The following GRIK2 variants were observed in gnomAD, a reference collection of about 807,000 sequenced individuals.
GRIK2 encodes glutamate ionotropic receptor kainate type subunit 2.
GRIK2 carries 32 observed loss-of-function variants against 100.3 expected under a neutral mutation model. The observed-to-expected ratio is 0.32, with a 90% CI of 0.24 to 0.43. The LOEUF is 0.43. Ranked by LOEUF, GRIK2 falls within the 20% of genes least tolerant of loss-of-function variation. The pLI is 1.00. For missense variants in GRIK2, 843 were observed against 1,114.9 expected, an observed-to-expected ratio of 0.76 and a Z score of 3.47; for synonymous variants, 417 against 389.4, an observed-to-expected ratio of 1.07 and a Z score of -0.83.
intron 11 of GRIK2, among the ~76,000 whole-genome samples, chr6:101,865,780 T>A (rs1433794607): frequency 6.6e-6 from 1 of 151,458 alleles, no homozygotes; most frequent in Non-Finnish European, 1.5e-5. Flanking sequence ...TCCCAGCTAC[T>A]TGGGAGGCTG....
intron 11 of GRIK2, among the ~76,000 whole-genome samples, chr6:101,864,916 A>G (rs915271120): frequency 6.6e-6 from 1 of 152,212 alleles, no homozygotes; most frequent in Non-Finnish European, 1.5e-5. Context: ...CTAAATAGTA[A>G]CATTTAAAGT....
At chr6:101,892,343 C>G (rs1412909540) in intron 12 of GRIK2, among the ~76,000 whole-genome samples, 1 of 152,054 alleles carries the variant, frequency 6.6e-6, no homozygotes, top group Non-Finnish European at 1.5e-5. Flanking sequence ...AGTACATTTG[C>G]AAATAGAGGC....
At chr6:101,587,515 A>G (rs113109667) in intron 2 of GRIK2, among the ~76,000 whole-genome samples, 27 of 152,250 alleles carry the variant, frequency 1.8e-4, no homozygotes, top group Middle Eastern at 3.4e-3. Context: ...ATGAGGAAGC[A>G]GTTATATTTA....
intron 4 of GRIK2, among the ~76,000 whole-genome samples, chr6:101,649,804 G>T (rs1476734118): frequency 6.6e-6 from 1 of 152,098 alleles, no homozygotes; most frequent in African/African-American, 2.4e-5. Flanking sequence ...AAAGCCCAGA[G>T]TATGATTCTG....
intron 4 of GRIK2, among the ~76,000 whole-genome samples, chr6:101,658,725 G>T (rs111999781): frequency 2.0e-4 from 31 of 152,098 alleles, no homozygotes; most frequent in African/African-American, 6.8e-4. Flanking sequence ...ATTCTAACTG[G>T]CATGAGATGG....
At chr6:101,606,656 T>C (rs1006079087) in intron 2 of GRIK2, among the ~76,000 whole-genome samples, 2 of 152,020 alleles carry the variant, frequency 1.3e-5, no homozygotes, top group Non-Finnish European at 2.9e-5. Flanking sequence ...AAGATGACTT[T>C]TAATTTTTCT....
At chr6:101,460,306 GA>G (rs1260130041) in intron 2 of GRIK2, among the ~76,000 whole-genome samples, 2 of 152,168 alleles carry the variant, frequency 1.3e-5, no homozygotes, top group Non-Finnish European at 2.9e-5. Context: ...GTTCAAAGGA[GA>G]AAAAGTATCC....
At chr6:101,514,913 C>T (rs1774506607) in intron 2 of GRIK2, among the ~76,000 whole-genome samples, 1 of 151,878 alleles carries the variant, frequency 6.6e-6, no homozygotes, top group African/African-American at 2.4e-5. Context: ...TTTATTTTTC[C>T]AGAGGTTATT....
At chr6:101,481,681 A>C (rs1772535658) in intron 2 of GRIK2, among the ~76,000 whole-genome samples, 1 of 152,118 alleles carries the variant, frequency 6.6e-6, no homozygotes, top group Admixed American at 6.6e-5. Context: ...ACCAAGATTA[A>C]CCTAAGAAGT....
At chr6:101,663,829 G>A (rs775795763) in intron 4 of GRIK2, among the ~76,000 whole-genome samples, 6 of 152,134 alleles carry the variant, frequency 3.9e-5, no homozygotes, top group Non-Finnish European at 7.3e-5. Context: ...TAGTTCAGGC[G>A]AGGCTGCTTC....
At chr6:101,402,350 A>T (rs1268018770) in intron 2 of GRIK2, among the ~76,000 whole-genome samples, 1 of 152,172 alleles carries the variant, frequency 6.6e-6, no homozygotes, top group Non-Finnish European at 1.5e-5. Flanking sequence ...ACGTCTCTCT[A>T]GTGCTCAAGA....
chr6:101,524,718 G>GTTTTTTTTTTTTTTT (rs11339091), intron 2 of GRIK2, among the ~76,000 whole-genome samples: 1 of 134,282 alleles, frequency 7.4e-6, no homozygotes. Context: ...TTGCATGTTC[G>GTTTTTTTTTTTTTTT]TTTTTTTTTT....
chr6:101,817,557 G>C (rs1562411294), intron 9 of GRIK2, among the ~76,000 whole-genome samples: 1 of 152,154 alleles, frequency 6.6e-6, no homozygotes. Context: ...TTATATGATA[G>C]TGCAATGGTA....
At chr6:101,769,753 G>T (rs1778280223) in intron 7 of GRIK2, among the ~76,000 whole-genome samples, 1 of 152,154 alleles carries the variant, frequency 6.6e-6, no homozygotes, top group South Asian at 2.1e-4. Context: ...AAAAGAAAAG[G>T]TATTTATTTG....
At chr6:101,895,630 G>A (rs936656224) in intron 12 of GRIK2, among the ~76,000 whole-genome samples, 1 of 151,608 alleles carries the variant, frequency 6.6e-6, no homozygotes, top group African/African-American at 2.4e-5. Context: ...AAACTAATCC[G>A]CTGTCAAAAC....
At chr6:101,598,116 A>G (rs1779014245) in intron 2 of GRIK2, among the ~76,000 whole-genome samples, 1 of 151,736 alleles carries the variant, frequency 6.6e-6, no homozygotes, top group Non-Finnish European at 1.5e-5. Context: ...AAGCCTTTCT[A>G]TTTTTAAAAG....
intron 12 of GRIK2, among the ~76,000 whole-genome samples, chr6:101,906,905 T>C (rs949802422): frequency 1.3e-5 from 2 of 151,760 alleles, no homozygotes; most frequent in African/African-American, 4.8e-5. Flanking sequence ...TCATATGTTA[T>C]TTTACAAACT....
At chr6:102,057,297 G>A (rs1205100485) in intron 16 of GRIK2, among the ~76,000 whole-genome samples, 1 of 151,894 alleles carries the variant, frequency 6.6e-6, no homozygotes, top group African/African-American at 2.4e-5. Flanking sequence ...GTATTCTATT[G>A]TGCTTACCTC....
intron 7 of GRIK2, chr6:101,745,207 T>C (rs1776350018): frequency 6.6e-6 from 1 of 152,220 alleles, no homozygotes; most frequent in Non-Finnish European, 1.5e-5. Context: ...CAACTTGTTA[T>C]TCAGTGAAAG....
Sources: gnomAD v4.1 joint callset for allele counts (sites outside exome capture counted in the v4.1 genomes callset) on GRCh38, gnomAD v4.1.1 for gene constraint, MANE v1.5 for transcripts, NCBI Gene and HGNC (gene_info 2026-07-23, HGNC 2026-07-21) for gene names.